SEC24D: variants seen among roughly 807,000 people sequenced by gnomAD.
The protein encoded by SEC24D is protein transport protein Sec24D.
SEC24D carries 69 observed loss-of-function variants against 116.9 expected under a neutral mutation model. The observed-to-expected ratio is 0.59, with a 90% CI of 0.49 to 0.72. The LOEUF (loss-of-function observed/expected upper bound fraction) is 0.72. Among genes scored for constraint, SEC24D ranks in the 30% least tolerant of loss-of-function variants. The pLI is 0.00. For missense variants in SEC24D, 1,131 were observed against 1,264.1 expected (o/e 0.89, Z 1.60); for synonymous variants, 405 against 442.8 (o/e 0.91, Z 1.07).
intron 7 of SEC24D, among the ~76,000 whole-genome samples, chr4:118,799,637 A>G (rs958888954): frequency 6.6e-6 from 1 of 152,150 alleles, no homozygotes; most frequent in African/African-American, 2.4e-5. Flanking sequence ...AGGAGGAGAA[A>G]GCAGCCAAAG....
intron 9 of SEC24D, among the ~76,000 whole-genome samples, chr4:118,767,712 A>G (rs1727704335): frequency 6.6e-6 from 1 of 152,266 alleles, no homozygotes; most frequent in South Asian, 2.1e-4. Flanking sequence ...CAACATTTAC[A>G]TCGGAGTGAA....
At position 118,787,563 on chromosome 4, in the gene SEC24D, G is replaced by A. The variant is rs367711417; in HGVS notation, c.1041+10120C>T. Among the ~76,000 whole-genome samples the A allele has an allele frequency of 1.8e-4, 27 of 152,106 alleles. No homozygotes were observed. In the South Asian group the frequency reaches 4.4e-3, roughly 25 times the overall value. On this transcript the variant is annotated intron_variant, in intron 8 of 22. Transcript: ENST00000280551. The stretch of plus-strand genomic sequence containing the variant: ...TGTGGTGGCTCAAGTCTATAATCCC[G>A]GCACTTTGGGAGGCCGAGGCAGGTG...
chr4:118,747,448 TAG>T (rs1726595065), intron 13 of SEC24D, among the ~76,000 whole-genome samples: 1 of 152,026 alleles, frequency 6.6e-6, no homozygotes, highest in Non-Finnish European at 1.5e-5. Flanking sequence ...GTATTTTTAG[TAG>T]AGATGGGGCT....
At chr4:118,761,131 A>C (rs1044825039) in intron 10 of SEC24D, among the ~76,000 whole-genome samples, 1 of 152,144 alleles carries the variant, frequency 6.6e-6, no homozygotes, top group Non-Finnish European at 1.5e-5. Flanking sequence ...CTCTCATTAT[A>C]CAGACTGCTG....
At chr4:118,777,616 G>GTA (rs1290895164) in intron 8 of SEC24D, among the ~76,000 whole-genome samples, 4 of 152,144 alleles carry the variant, frequency 2.6e-5, no homozygotes, top group Non-Finnish European at 5.9e-5. Flanking sequence ...AATCCTTTGG[G>GTA]TATATACCCA....
chr4:118,731,433 T>A lies in SEC24D; in HGVS notation c.2751A>T (p.Gly917=). Residue 917 remains glycine, a synonymous_variant, in exon 21 of 23, where the codon GGA becomes GGT. Transcript: ENST00000280551. ...GTAGACCATTAGCCAGTAAGAATAT[T>A]CCTTCTTCTGAAAGACGGGACTCAG... The part of the protein sequence containing the change: ...RCSESRLSEE[G]IFLLANGLHM... The A allele has an allele frequency of 6.2e-7, 1 of 1,614,058 alleles. No individual in the cohort carries two copies. The highest frequency in any genetic ancestry group is 8.5e-7 in the Non-Finnish European group (1 of 1,179,930).
intron 20 of SEC24D, among the ~76,000 whole-genome samples, chr4:118,731,934 C>G (rs182202779): frequency 1.3e-5 from 2 of 151,630 alleles, no homozygotes; most frequent in East Asian, 3.9e-4. Flanking sequence ...AGCTAGTGCA[C>G]TGGTCCTAAA....
rs1018876028 is a variant in SEC24D at position 118,727,238 on chromosome 4, T to A, written c.2958+1323A>T. On this transcript the variant is annotated intron_variant, in intron 22 of 22. Coordinates refer to ENST00000280551, the MANE Select transcript of SEC24D (RefSeq NM_014822.4). ...GCACTCTATGAACAGATGGATACAT[T>A]TGCAGATAGTACATAAGAAAATCTG... Among the ~76,000 whole-genome samples, 4 of 152,210 alleles carry A rather than the reference T, an allele frequency of 2.6e-5. No individual in the cohort carries two copies. The East Asian group carries it at 7.7e-4, about 29-fold the overall frequency.
chr4:118,723,728 A>G (rs1560592357), intron 22 of SEC24D, 73 bp from the exon 23 acceptor site: 4 of 1,528,388 alleles, frequency 2.6e-6, no homozygotes, highest in Non-Finnish European at 3.5e-6. Context: ...AATTTTGTCT[A>G]TTTCAATTTT....
At chr4:118,824,053 CTG>C (rs1730499925) in intron 3 of SEC24D, among the ~76,000 whole-genome samples, 1 of 152,160 alleles carries the variant, frequency 6.6e-6, no homozygotes, top group African/African-American at 2.4e-5. Flanking sequence ...CTAAAATAAA[CTG>C]AATATAACTC....
At chr4:118,760,426 G>A (rs2110465894) in intron 10 of SEC24D, 1 of 152,102 alleles carries the variant, frequency 6.6e-6, no homozygotes, top group East Asian at 1.9e-4. Flanking sequence ...TCCTTTTTGT[G>A]GCTGGCTTAT....
intron 2 of SEC24D, among the ~76,000 whole-genome samples, chr4:118,831,082 C>T (rs1437720588): frequency 2.0e-5 from 3 of 152,108 alleles, no homozygotes; most frequent in Non-Finnish European, 2.9e-5. Context: ...AGTGCAGTGG[C>T]GTGATCTTGG....
At chr4:118,797,097 A>G (rs1240936766) in intron 8 of SEC24D, among the ~76,000 whole-genome samples, 1 of 152,212 alleles carries the variant, frequency 6.6e-6, no homozygotes, top group Non-Finnish European at 1.5e-5. Flanking sequence ...GGAAGTCTAG[A>G]TCAAATACCC....
intron 9 of SEC24D, among the ~76,000 whole-genome samples, chr4:118,767,129 G>C (rs1363233347): frequency 1.3e-5 from 2 of 152,244 alleles, no homozygotes; most frequent in Non-Finnish European, 2.9e-5. Context: ...ACTGACCAAA[G>C]GTCTGCATGA....
At chr4:118,751,148 A>C (rs188775543) in intron 13 of SEC24D, among the ~76,000 whole-genome samples, 97 of 149,032 alleles carry the variant, frequency 6.5e-4, no homozygotes, top group African/African-American at 2.2e-3. Flanking sequence ...TCTTGTGTTA[A>C]GGTAATAATG....
chr4:118,782,153 A>G (rs988574512), intron 8 of SEC24D, among the ~76,000 whole-genome samples: 2 of 152,246 alleles, frequency 1.3e-5, no homozygotes, highest in Admixed American at 1.3e-4. Context: ...AATCCTTTGA[A>G]GGAGAAGAGG....
intron 3 of SEC24D, among the ~76,000 whole-genome samples, chr4:118,818,184 G>A (rs1730235086): frequency 6.6e-6 from 1 of 152,118 alleles, no homozygotes; most frequent in African/African-American, 2.4e-5. Context: ...TGCCAAATGC[G>A]ATTAAAGCCT....
intron 10 of SEC24D, 103 bp downstream of exon 10, chr4:118,764,699 A>G (rs1033783347): frequency 1.3e-5 from 9 of 675,290 alleles, no homozygotes; most frequent in Non-Finnish European, 2.0e-5. Flanking sequence ...GGTACCACCA[A>G]AATGCTTTGT....
intron 13 of SEC24D, among the ~76,000 whole-genome samples, chr4:118,746,299 T>G (rs1180667375): frequency 2.0e-5 from 3 of 150,712 alleles, no homozygotes; most frequent in African/African-American, 7.3e-5. Context: ...CAGTCCTTTA[T>G]CTGGGTGGGA....
Sources: gnomAD v4.1 joint callset for allele counts (sites outside exome capture counted in the v4.1 genomes callset) on GRCh38, gnomAD v4.1.1 for gene constraint, MANE v1.5 for transcripts, NCBI Gene and HGNC (gene_info 2026-07-23, HGNC 2026-07-21) for gene names.